Variants in PCCA observed in about 807,000 individuals in gnomAD.
PCCA encodes the protein propionyl-CoA carboxylase subunit alpha, also known as propionyl-CoA carboxylase alpha chain, mitochondrial.
Under a neutral mutation model 101.3 loss-of-function variants are expected in PCCA, and 74 were observed. The observed-to-expected ratio is 0.73, with a 90% CI of 0.61 to 0.89. The LOEUF (loss-of-function observed/expected upper bound fraction) is 0.89. PCCA is among the 40% of genes least tolerant of loss of function. PCCA has a pLI of 0.00. For synonymous variants in PCCA, 294 were observed against 313.6 expected (o/e 0.94, Z 0.66); for missense variants, 891 against 907.0 (o/e 0.98, Z 0.23).
At chr13:100,256,810 AAC>A (rs2062105850) in intron 8 of PCCA, among the ~76,000 whole-genome samples, 1 of 152,184 alleles carries the variant, frequency 6.6e-6, no homozygotes, top group Non-Finnish European at 1.5e-5. Context: ...GTTTTTAGAA[AAC>A]ATCTAAAGAA....
intron 21 of PCCA, among the ~76,000 whole-genome samples, chr13:100,500,725 A>G (rs2085603781): frequency 6.6e-6 from 1 of 152,200 alleles, no homozygotes; most frequent in Non-Finnish European, 1.5e-5. Flanking sequence ...ATTTGATCCA[A>G]TTTAGGGACA....
intron 4 of PCCA, among the ~76,000 whole-genome samples, chr13:100,123,358 A>T (rs889483617): frequency 6.6e-6 from 1 of 152,204 alleles, no homozygotes; most frequent in Non-Finnish European, 1.5e-5. Flanking sequence ...CCTGGCCCTG[A>T]ATAACTCTTT....
chr13:100,523,544 C>T (rs1444204240), intron 22 of PCCA, among the ~76,000 whole-genome samples: 6 of 152,154 alleles, frequency 3.9e-5, no homozygotes, highest in South Asian at 2.1e-4. Context: ...GGGTGACACT[C>T]GGGCCCCCAC....
intron 4 of PCCA, among the ~76,000 whole-genome samples, chr13:100,144,118 G>C (rs551892885): frequency 2.6e-5 from 4 of 152,012 alleles, no homozygotes; most frequent in Non-Finnish European, 5.9e-5. Flanking sequence ...AAAAATGACT[G>C]TGCTAAGGAA....
At chr13:100,201,033 C>G (rs960690666) in intron 6 of PCCA, among the ~76,000 whole-genome samples, 1 of 151,972 alleles carries the variant, frequency 6.6e-6, no homozygotes, top group South Asian at 2.1e-4. Flanking sequence ...TTGTCCTGTG[C>G]TATACACAGA....
chr13:100,408,380 GACA>G (rs2077815221), intron 19 of PCCA, among the ~76,000 whole-genome samples: 1 of 152,160 alleles, frequency 6.6e-6, no homozygotes, highest in South Asian at 2.1e-4. Context: ...TTTACATTTT[GACA>G]ACATCTGCTC....
At chr13:100,446,137 A>G (rs2080812381) in intron 20 of PCCA, among the ~76,000 whole-genome samples, 2 of 152,090 alleles carry the variant, frequency 1.3e-5, no homozygotes, top group South Asian at 4.2e-4. Flanking sequence ...TCCCAGGTTC[A>G]AGTGATTCTC....
In PCCA at chr13:100,216,405, G is replaced by A. The variant is rs546536576; in HGVS notation, c.600+6942G>A. 3.9e-5 allele frequency among the ~76,000 whole-genome samples: 6 copies of A among 152,312 alleles called. No individual in the cohort carries two copies. In the East Asian group the frequency reaches 1.2e-3, roughly 29 times the overall value. On this transcript the variant is annotated intron_variant, in intron 7 of 23. Transcript: ENST00000376285. ...GTAGTAGGGAGCTTAGATTTTTAGG[G>A]CCTTACAGGCCATTTCAGTATTAGG... is the stretch of plus-strand genomic sequence containing the variant.
At chr13:100,155,176 G>A in intron 5 of PCCA, 84 bp downstream of exon 5, 2 of 898,202 alleles carry the variant, frequency 2.2e-6, no homozygotes, top group Non-Finnish European at 3.7e-6. Flanking sequence ...AAAAAAAATA[G>A]GAAAGAATGA....
intron 4 of PCCA, among the ~76,000 whole-genome samples, chr13:100,119,572 G>T (rs549416749): frequency 7.2e-5 from 11 of 152,126 alleles, no homozygotes; most frequent in Non-Finnish European, 1.6e-4. Flanking sequence ...TGTTGAATAG[G>T]CTCATGGTTT....
chr13:100,353,145 A>T (rs2073487139), intron 18 of PCCA, among the ~76,000 whole-genome samples: 1 of 152,238 alleles, frequency 6.6e-6, no homozygotes, highest in African/African-American at 2.4e-5. Flanking sequence ...AAATATGTGA[A>T]GCAAAACTGA....
At chr13:100,170,975 T>C (rs2055580250) in intron 6 of PCCA, among the ~76,000 whole-genome samples, 2 of 152,218 alleles carry the variant, frequency 1.3e-5, no homozygotes, top group Admixed American at 1.3e-4. Context: ...TCAGACACTC[T>C]GAAGTAAACA....
At chr13:100,341,957 G>GTATGTATATATATATATATATATA (rs1555426163) in intron 18 of PCCA, among the ~76,000 whole-genome samples, 3 of 107,148 alleles carry the variant, frequency 2.8e-5, no homozygotes, top group African/African-American at 1.3e-4. Context: ...ACCCTTCAAA[G>GTATGTATATATATATATATATATA]TATATATATA....
At chr13:100,176,607 T>C (rs2056257765) in intron 6 of PCCA, among the ~76,000 whole-genome samples, 1 of 152,182 alleles carries the variant, frequency 6.6e-6, no homozygotes, top group Admixed American at 6.6e-5. Flanking sequence ...GAATCAAAAG[T>C]GAGTGAATTT....
intron 17 of PCCA, among the ~76,000 whole-genome samples, chr13:100,332,203 G>A (rs148511739): frequency 0.014 from 2,170 of 152,190 alleles, 19 homozygotes; most frequent in Middle Eastern, 0.024. Context: ...CTCCCAAAGC[G>A]CTGGGATTAC....
chr13:100,148,118 G>A (rs2052804047), intron 4 of PCCA, among the ~76,000 whole-genome samples: 1 of 151,978 alleles, frequency 6.6e-6, no homozygotes, highest in Admixed American at 6.6e-5. Context: ...TTTTGAGACA[G>A]GGTCTCACTC....
In PCCA at chr13:100,347,972, G is replaced by A. The variant is rs531879410; in HGVS notation, c.1643+7713G>A. Among the ~76,000 whole-genome samples, 4 of 152,312 alleles carry A rather than the reference G, an allele frequency of 2.6e-5. No homozygotes were observed. The South Asian group carries it at 8.3e-4, about 32-fold the overall frequency. ...AGGAAGCATAATCTTGTGTAGCTAA[G>A]TGAAGCTATGTTTCTGGCTTGCTTA... On this transcript the variant is annotated intron_variant, in intron 18 of 23. Transcript: ENST00000376285.
intron 16 of PCCA, among the ~76,000 whole-genome samples, chr13:100,311,010 T>G (rs936129240): frequency 5.3e-5 from 8 of 150,330 alleles, no homozygotes; most frequent in Admixed American, 3.3e-4. Flanking sequence ...CTGAGGCGGG[T>G]GGATTGTGAG....
At position 100,506,996 on chromosome 13, in the gene PCCA, C is replaced by T. The variant is rs540854503; in HGVS notation, c.1900-8431C>T. On this transcript the variant is annotated intron_variant, in intron 21 of 23. Coordinates refer to ENST00000376285, the MANE Select transcript of PCCA (RefSeq NM_000282.4). ...CGGTTTACCAAATACCTTATAAATT[C>T]GTAATTACATAAAACAATTCGAGAT... 7.9e-5 allele frequency among the ~76,000 whole-genome samples: 12 copies of T among 152,162 alleles called. No individual in the cohort carries two copies. In the East Asian group the frequency reaches 1.7e-3, roughly 22 times the overall value.
Sources: gnomAD v4.1 joint callset for allele counts (sites outside exome capture counted in the v4.1 genomes callset) on GRCh38, gnomAD v4.1.1 for gene constraint, MANE v1.5 for transcripts, NCBI Gene and HGNC (gene_info 2026-07-23, HGNC 2026-07-21) for gene names.